MICAL2: variants seen among roughly 807,000 people sequenced by gnomAD.
MICAL2 encodes microtubule associated monooxygenase, calponin and LIM domain containing 2.
A neutral mutation model predicts 127.3 loss-of-function variants in MICAL2; 77 were observed. The ratio of observed to expected loss-of-function variants is 0.60; its 90% confidence interval spans 0.50 to 0.73. The LOEUF (loss-of-function observed/expected upper bound fraction) is 0.73, where lower values mean the gene tolerates loss of function less well. Among genes scored for constraint, MICAL2 ranks in the 30% least tolerant of loss-of-function variants. The pLI, the probability that MICAL2 is intolerant of heterozygous loss-of-function variation, is 0.00. For missense variants in MICAL2, 1,351 were observed against 1,434.4 expected (o/e 0.94, Z 0.94); for synonymous variants, 570 against 551.1 (o/e 1.03, Z -0.48).
intron 3 of MICAL2, among the ~76,000 whole-genome samples, chr11:12,162,927 G>A (rs945049622): frequency 6.6e-6 from 1 of 152,176 alleles, no homozygotes; most frequent in Non-Finnish European, 1.5e-5. Context: ...TAGTTACAGA[G>A]TTGTGTTCGC....
intron 32 of MICAL2, among the ~76,000 whole-genome samples, chr11:12,339,002 G>T (rs557704445): frequency 6.6e-6 from 1 of 152,308 alleles, no homozygotes; most frequent in Non-Finnish European, 1.5e-5. Flanking sequence ...ATGTTGGCCT[G>T]CCTTGCTAGA....
chr11:12,152,297 C>CCAA (rs1223690984), intron 2 of MICAL2, among the ~76,000 whole-genome samples: 1 of 38,396 alleles, frequency 2.6e-5, no homozygotes, highest in African/African-American at 1.4e-4. Flanking sequence ...GACTCTGTCT[C>CCAA]AAAAAAAAAA....
chr11:12,257,262 T>C, intron 24 of MICAL2: 1 of 328,780 alleles, frequency 3.0e-6, no homozygotes, highest in Non-Finnish European at 5.5e-6. Flanking sequence ...CTCACCACCC[T>C]CCATTGTCCC....
At chr11:12,258,634 C>A in intron 25 of MICAL2, 78 bp downstream of exon 25, 1 of 1,357,304 alleles carries the variant, frequency 7.4e-7, no homozygotes, top group Non-Finnish European at 1.0e-6. Flanking sequence ...AAAGTTAGGC[C>A]AGCTTTGCTG....
At chr11:12,358,320 A>G in exon 35 of MICAL2, 1 of 1,614,116 alleles carries the variant, frequency 6.2e-7, no homozygotes, top group Non-Finnish European at 8.5e-7. Flanking sequence ...AGAAGGATCT[A>G]AACGAAGAGC....
downstream of MICAL2, among the ~76,000 whole-genome samples, chr11:12,296,954 G>A (rs1161963738): frequency 6.6e-6 from 1 of 152,006 alleles, no homozygotes; most frequent in Admixed American, 6.6e-5. Context: ...AGCCCCCTAT[G>A]ATGCAAAGTT....
chr11:12,133,058 AT>A (rs980985738), intron 1 of MICAL2, among the ~76,000 whole-genome samples: 3 of 151,702 alleles, frequency 2.0e-5, no homozygotes, highest in African/African-American at 7.3e-5. Flanking sequence ...CAGGCCATGG[AT>A]TTTTTTTCTG....
intron 23 of MICAL2, 26 bp downstream of exon 23, chr11:12,255,776 A>G: frequency 1.3e-6 from 2 of 1,580,384 alleles, no homozygotes; most frequent in South Asian, 1.1e-5. Flanking sequence ...CCCAGCCTTC[A>G]CCCACAGACA....
chr11:12,362,106 C>G (rs1459883901), downstream of MICAL2, among the ~76,000 whole-genome samples: 1 of 152,146 alleles, frequency 6.6e-6, no homozygotes, highest in South Asian at 2.1e-4. Flanking sequence ...TGAAATGAAC[C>G]AAAAATAAAT....
chr11:12,190,312 C>G (rs933190009), intron 3 of MICAL2, among the ~76,000 whole-genome samples: 2 of 152,130 alleles, frequency 1.3e-5, no homozygotes, highest in African/African-American at 4.8e-5. Flanking sequence ...TTGGACTCTC[C>G]TACGTAACCA....
At chr11:12,147,342 A>G (rs1853045530) in intron 2 of MICAL2, among the ~76,000 whole-genome samples, 5 of 152,210 alleles carry the variant, frequency 3.3e-5, no homozygotes, top group Admixed American at 2.6e-4. Context: ...TTCAACAAAC[A>G]TATACTACCT....
At chr11:12,269,002 GAAA>G (rs1235292304) in intron 24 of MICAL2, among the ~76,000 whole-genome samples, 1 of 146,210 alleles carries the variant, frequency 6.8e-6, no homozygotes, top group East Asian at 2.0e-4. Context: ...CGTCTCAAAG[GAAA>G]AAAAAAAATA....
intron 26 of MICAL2, chr11:12,260,782 G>A: frequency 1.0e-6 from 1 of 985,302 alleles, no homozygotes; most frequent in South Asian, 4.7e-5. Context: ...TGTCCCCCTG[G>A]GAGGAGGACT....
chr11:12,361,112 T>A (rs374813995), downstream of MICAL2, among the ~76,000 whole-genome samples: 7 of 152,306 alleles, frequency 4.6e-5, no homozygotes, highest in East Asian at 1.4e-3. Flanking sequence ...CCAAACTATA[T>A]AGGACTCTGA....
Position 12,249,164 on chromosome 11 carries a change from T to C in MICAL2, c.2785-20T>C, listed in dbSNP as rs189018430. 123 of 1,613,108 alleles carry C rather than the reference T, an allele frequency of 7.6e-5. No homozygotes were observed. In the Middle Eastern group the frequency reaches 9.9e-4, roughly 13 times the overall value. ...AAGCTTATTTACCTAAAATGCATGTTGATCCCTCTCTTTCTAAAGGAAAAG... is the reference window on the plus strand; with the variant it reads ...AAGCTTATTTACCTAAAATGCATGTCGATCCCTCTCTTTCTAAAGGAAAAG... On this transcript the variant is annotated intron_variant, in intron 21 of 27. Coordinates refer to ENST00000683283, the MANE Select transcript of MICAL2 (RefSeq NM_001282663.2).
Position 12,259,886 on chromosome 11 carries a change from G to A in MICAL2, c.3323G>A (p.Gly1108Asp). ...CAVAAIGTLE[G>D]SPPVHFSLPV... ...GTGGCCGCCATTGGCACCCTGGAAG[G>A]CAGCCCCCCAGGTATCTCCACCTCC... Residue 1108 changes from glycine (G) to aspartate (D), a missense_variant, in exon 26 of 28, where the codon GGC becomes GAC. Physicochemically the swap from Gly to Asp is moderately conservative, Grantham distance 94. Coordinates refer to ENST00000683283, the MANE Select transcript of MICAL2 (RefSeq NM_001282663.2). 3 of 1,612,696 alleles carry A rather than the reference G, an allele frequency of 1.9e-6. No homozygotes were observed. Among genetic ancestry groups the A allele is most frequent in the Non-Finnish European group, 2.5e-6 (3 of 1,179,074 alleles).
At chr11:12,159,050 A>G (rs1216577773) in intron 2 of MICAL2, among the ~76,000 whole-genome samples, 3 of 152,208 alleles carry the variant, frequency 2.0e-5, no homozygotes, top group African/African-American at 4.8e-5. Context: ...GCTGGGCTAC[A>G]TATCCAAGCT....
At chr11:12,221,471 T>C (rs1333993517) in intron 9 of MICAL2, among the ~76,000 whole-genome samples, 173 bp from the exon 10 acceptor site, 2 of 152,256 alleles carry the variant, frequency 1.3e-5, no homozygotes, top group African/African-American at 4.8e-5. Flanking sequence ...CCTTCTGCTA[T>C]AGTTATTTGA....
chr11:12,149,743 G>T (rs1157072796), intron 2 of MICAL2, among the ~76,000 whole-genome samples: 1 of 152,184 alleles, frequency 6.6e-6, no homozygotes, highest in Non-Finnish European at 1.5e-5. Flanking sequence ...CACACGTGAG[G>T]TCTCTATAAG....
Sources: gnomAD v4.1 joint callset for allele counts (sites outside exome capture counted in the v4.1 genomes callset) on GRCh38, gnomAD v4.1.1 for gene constraint, MANE v1.5 for transcripts, NCBI Gene and HGNC (gene_info 2026-07-23, HGNC 2026-07-21) for gene names.